The following DECR1 variants were observed in gnomAD, a reference collection of about 807,000 sequenced individuals.
DECR1 encodes the protein 2,4-dienoyl-CoA reductase [(3E)-enoyl-CoA-producing], mitochondrial.
DECR1 carries 44 observed loss-of-function variants against 38.8 expected under a neutral mutation model. The observed-to-expected ratio is 1.13, with a 90% CI of 0.89 to 1.46. The LOEUF (loss-of-function observed/expected upper bound fraction) is 1.46. Ranked by LOEUF, DECR1 falls within the 40% of genes most tolerant of loss-of-function variation. The pLI is 0.00. For synonymous variants in DECR1, 148 were observed against 135.2 expected (o/e 1.09, Z -0.66); for missense variants, 428 against 405.5 (o/e 1.06, Z -0.48).
At chr8:90,030,586 G>T (rs1227931865) in intron 5 of DECR1, 1 of 152,180 alleles carries the variant, frequency 6.6e-6, no homozygotes, top group Admixed American at 6.5e-5. Context: ...ACTATTGGAG[G>T]GAAAAGATGA....
chr8:90,002,981 A>C (rs1812652904), intron 1 of DECR1: 2 of 152,224 alleles, frequency 1.3e-5, no homozygotes, highest in Admixed American at 1.3e-4. Flanking sequence ...TGACACCATT[A>C]GACAATACAG....
intron 6 of DECR1, 186 bp from the exon 7 acceptor site, chr8:90,042,542 A>C (rs1189440094): frequency 1.7e-6 from 1 of 593,966 alleles, no homozygotes; most frequent in Non-Finnish European, 3.0e-6. Flanking sequence ...CATATGACAT[A>C]GAGAAAATGA....
At chr8:90,013,519 A>G (rs1409884876) in intron 1 of DECR1, among the ~76,000 whole-genome samples, 1 of 147,792 alleles carries the variant, frequency 6.8e-6, no homozygotes, top group Non-Finnish European at 1.5e-5. Context: ...AAGGCCACCC[A>G]GTGAAAAGGG....
rs1554572673 is a variant in DECR1 at position 90,009,514 on chromosome 8, T to TTA, written c.70-7610_70-7609insTA. On this transcript the variant is annotated intron_variant, in intron 1 of 9. Transcript: ENST00000220764. The stretch of plus-strand genomic sequence containing the variant: ...GAATATTGTGTCTGTTTTTTTTTTT[T>TTA]ACTGCCGTACTGCCATGCCTAGAAC... Among the ~76,000 whole-genome samples, 649 of 151,912 alleles carry TTA rather than the reference T, an allele frequency of 4.3e-3. 5 individuals are homozygous for TTA. The highest frequency in any genetic ancestry group is 0.014 in the African/African-American group (581 of 41,406).
chr8:90,007,270 A>T (rs1812767118), intron 1 of DECR1, among the ~76,000 whole-genome samples: 1 of 152,214 alleles, frequency 6.6e-6, no homozygotes. Flanking sequence ...GACATATGCT[A>T]TGGGGAGCGA....
At position 90,038,086 on chromosome 8, in the gene DECR1, A is replaced by T. The variant is rs139558654; in HGVS notation, c.665+1146A>T. Among the ~76,000 whole-genome samples, 339 of 152,272 alleles carry T rather than the reference A, an allele frequency of 2.2e-3. 2 individuals are homozygous for T. Among genetic ancestry groups the T allele is most frequent in the African/African-American group, 7.0e-3 (292 of 41,554 alleles). ...TCAATAAATATTTATTGTGTACCTT[A>T]TATATGCTTCGTCCTAGGGATATGA... On this transcript the variant is annotated intron_variant, in intron 6 of 9. Transcript: ENST00000220764.
intron 1 of DECR1, among the ~76,000 whole-genome samples, chr8:90,004,194 G>A (rs922986748): frequency 1.3e-5 from 2 of 150,962 alleles, no homozygotes; most frequent in African/African-American, 4.9e-5. Flanking sequence ...GTGGTGGCGC[G>A]TGCCTGTAAT....
chr8:90,027,462 T>A (rs2130091345), intron 5 of DECR1, among the ~76,000 whole-genome samples: 1 of 152,328 alleles, frequency 6.6e-6, no homozygotes, highest in South Asian at 2.1e-4. Context: ...AATTGATCCC[T>A]TTATCATTAT....
intron 1 of DECR1, chr8:90,005,199 C>T: frequency 5.2e-6 from 2 of 386,138 alleles, no homozygotes; most frequent in Admixed American, 3.4e-5. Flanking sequence ...CAGAGAGAAG[C>T]GTGTGGAGAC....
intron 5 of DECR1, among the ~76,000 whole-genome samples, chr8:90,032,718 C>T (rs1813527947): frequency 6.6e-6 from 1 of 152,126 alleles, no homozygotes. Context: ...ATATGGCACC[C>T]TTATGCACTG....
At chr8:90,034,442 G>A (rs199551999) in intron 5 of DECR1, among the ~76,000 whole-genome samples, 1 of 151,760 alleles carries the variant, frequency 6.6e-6, no homozygotes, top group South Asian at 2.1e-4. Flanking sequence ...TTATTTATTT[G>A]TTTGTTTGTT....
At chr8:90,022,542 A>AG (rs1179532287) in intron 5 of DECR1, among the ~76,000 whole-genome samples, 2 of 151,872 alleles carry the variant, frequency 1.3e-5, no homozygotes, top group Non-Finnish European at 2.9e-5. Flanking sequence ...AAGAGTGGGA[A>AG]GGGGGGACAG....
In DECR1 at chr8:90,017,406, CAG is replaced by C. The variant is rs1353666083; in HGVS notation, c.272+83_272+84del. On this transcript the variant is annotated intron_variant, in intron 2 of 9. Coordinates refer to ENST00000220764, the MANE Select transcript of DECR1 (RefSeq NM_001359.2). Reference sequence around the variant, plus strand: ...CCATAGTATTGAAAACACTGTTCGCCAGAGTTGTTTGATTAGCATCTTAATCT... The same window carrying C: ...CCATAGTATTGAAAACACTGTTCGCCAGTTGTTTGATTAGCATCTTAATCT... The C allele has an allele frequency of 3.7e-6, 4 of 1,071,142 alleles. 1 individual carries two copies. The Admixed American group carries it at 7.6e-5, about 20-fold the overall frequency. The allele number at this position is 1,071,142 out of a possible 1,614,324, so 66.4% of individuals were successfully genotyped here.
chr8:90,046,852 A>G (rs1813918494), intron 8 of DECR1, among the ~76,000 whole-genome samples: 1 of 152,232 alleles, frequency 6.6e-6, no homozygotes, highest in Non-Finnish European at 1.5e-5. Context: ...CAGAAACTAC[A>G]AGTCAGAAGA....
intron 4 of DECR1, among the ~76,000 whole-genome samples, chr8:90,020,547 C>G (rs1232375254): frequency 6.6e-6 from 1 of 152,130 alleles, no homozygotes; most frequent in African/African-American, 2.4e-5. Flanking sequence ...TGCCACCACA[C>G]CCAGCTAATT....
At chr8:90,021,121 C>G (rs1813149337) in intron 5 of DECR1, 65 bp downstream of exon 5, 1 of 1,332,898 alleles carries the variant, frequency 7.5e-7, no homozygotes, top group Non-Finnish European at 1.0e-6. Context: ...GTGGTAAGCT[C>G]TGTGATACTT....
intron 1 of DECR1, chr8:90,005,761 C>G (rs1812722754): frequency 3.2e-6 from 1 of 308,252 alleles, no homozygotes; most frequent in African/African-American, 2.2e-5. Context: ...GTTTGTTTGA[C>G]TCATGATTCT....
chr8:90,037,228 T>G (rs1358595715), intron 6 of DECR1, among the ~76,000 whole-genome samples: 3 of 152,180 alleles, frequency 2.0e-5, no homozygotes, highest in African/African-American at 7.2e-5. Flanking sequence ...AAACTAAATT[T>G]TAAAAATTAG....
chr8:90,048,625 C>A (rs185283144), intron 8 of DECR1, among the ~76,000 whole-genome samples: 1 of 152,318 alleles, frequency 6.6e-6, no homozygotes, highest in African/African-American at 2.4e-5. Flanking sequence ...GAGCTGGTAC[C>A]ATTCCTTCTG....
Sources: allele counts gnomAD v4.1 joint callset (sites outside exome capture counted in the v4.1 genomes callset), GRCh38; gene constraint gnomAD v4.1.1; transcripts MANE v1.5; gene names NCBI Gene and HGNC (gene_info 2026-07-23, HGNC 2026-07-21).